The following TEAD1 variants were observed in gnomAD, a reference collection of about 807,000 sequenced individuals.
TEAD1 encodes the protein transcriptional enhancer factor TEF-1.
Under a neutral mutation model 54.9 loss-of-function variants are expected in TEAD1, and 9 were observed. The ratio of observed to expected loss-of-function variants is 0.16; its 90% confidence interval spans 0.10 to 0.29. TEAD1 has a LOEUF of 0.29. TEAD1 is among the 10% of genes least tolerant of loss of function. The probability of loss-of-function intolerance (pLI) is 1.00; values close to 1 mark genes in which losing one functional copy is unlikely to be tolerated. For missense variants in TEAD1, 387 were observed against 535.9 expected, an observed-to-expected ratio of 0.72 and a Z score of 2.74; for synonymous variants, 200 against 187.8, an observed-to-expected ratio of 1.07 and a Z score of -0.53.
intron 2 of TEAD1, among the ~76,000 whole-genome samples, chr11:12,734,607 T>C (rs1287796602): frequency 1.3e-5 from 2 of 152,248 alleles, no homozygotes; most frequent in Admixed American, 1.3e-4. Flanking sequence ...TAATCTTTTA[T>C]ACCATATTTT....
intron 9 of TEAD1, among the ~76,000 whole-genome samples, chr11:12,898,708 C>G (rs886755294): frequency 6.6e-6 from 1 of 152,184 alleles, no homozygotes; most frequent in Non-Finnish European, 1.5e-5. Flanking sequence ...TCAAACATTT[C>G]TTATATGGCA....
chr11:12,792,257 C>T (rs1006543340), intron 3 of TEAD1, among the ~76,000 whole-genome samples: 1 of 151,112 alleles, frequency 6.6e-6, no homozygotes, highest in East Asian at 1.9e-4. Context: ...GGGATATTTT[C>T]TCTCTAGGCC....
chr11:12,896,836 C>A (rs1424907644), intron 9 of TEAD1, among the ~76,000 whole-genome samples: 4 of 152,148 alleles, frequency 2.6e-5, no homozygotes, highest in Non-Finnish European at 5.9e-5. Flanking sequence ...TTGTTGTTAG[C>A]TCATGGATTC....
At chr11:12,778,045 A>C (rs905107209) in intron 3 of TEAD1, among the ~76,000 whole-genome samples, 1 of 152,240 alleles carries the variant, frequency 6.6e-6, no homozygotes, top group East Asian at 1.9e-4. Flanking sequence ...GCAATGTGCC[A>C]GGTACTGTTC....
intron 3 of TEAD1, among the ~76,000 whole-genome samples, chr11:12,845,312 C>G (rs182430938): frequency 1.3e-5 from 2 of 152,126 alleles, no homozygotes; most frequent in East Asian, 3.9e-4. Context: ...AGTTGCAGCT[C>G]TCTCTGCAGG....
chr11:12,917,817 T>TA (rs2134152349), intron 10 of TEAD1, among the ~76,000 whole-genome samples: 1 of 152,308 alleles, frequency 6.6e-6, no homozygotes, highest in East Asian at 1.9e-4. Context: ...TCCCTGGACT[T>TA]ACCTTCCCCA....
chr11:12,869,478 G>A (rs1030910061), intron 5 of TEAD1, among the ~76,000 whole-genome samples: 1 of 152,166 alleles, frequency 6.6e-6, no homozygotes, highest in Non-Finnish European at 1.5e-5. Flanking sequence ...AGTGTTGTGT[G>A]CCAGAACTTT....
chr11:12,712,487 C>T (rs145016922), intron 2 of TEAD1, among the ~76,000 whole-genome samples: 4 of 152,310 alleles, frequency 2.6e-5, no homozygotes, highest in African/African-American at 9.6e-5. Context: ...TCCCTAAACT[C>T]TGTTGCTGCC....
chr11:12,782,830 A>C (rs1423370994), intron 3 of TEAD1, among the ~76,000 whole-genome samples: 1 of 152,172 alleles, frequency 6.6e-6, no homozygotes, highest in African/African-American at 2.4e-5. Flanking sequence ...ATACCAGGTG[A>C]GGGAGAAGGT....
chr11:12,892,474 G>A (rs1374962130), intron 9 of TEAD1, among the ~76,000 whole-genome samples: 2 of 151,988 alleles, frequency 1.3e-5, no homozygotes, highest in African/African-American at 2.4e-5. Flanking sequence ...TGAATCCCCC[G>A]CTTCTACAAA....
chr11:12,770,914 G>A lies in TEAD1; in HGVS notation c.202+6480G>A, dbSNP rs117121293. 8.1e-3 allele frequency among the ~76,000 whole-genome samples: 1,232 copies of A among 152,248 alleles called. 12 individuals carry two copies. Among genetic ancestry groups the A allele is most frequent in the Non-Finnish European group, 0.011 (767 of 68,016 alleles). ...AACTTTGGGAAAAAGATCATGTAGC[G>A]GTTTTTAAACTTATTTTGGATTATA... On this transcript the variant is annotated intron_variant, in intron 3 of 12. Transcript: ENST00000527636.
At chr11:12,695,110 G>T (rs57304489) in intron 2 of TEAD1, among the ~76,000 whole-genome samples, 9,119 of 152,234 alleles carry the variant, frequency 0.06, 944 homozygotes, top group African/African-American at 0.21. Flanking sequence ...GGCTGGCGAG[G>T]GCCACTTCGT....
At chr11:12,827,348 C>G (rs1946677616) in intron 3 of TEAD1, among the ~76,000 whole-genome samples, 1 of 152,182 alleles carries the variant, frequency 6.6e-6, no homozygotes, top group African/African-American at 2.4e-5. Context: ...TTGTGCCCAG[C>G]ATTTTCTGAG....
intron 2 of TEAD1, among the ~76,000 whole-genome samples, chr11:12,752,099 A>T (rs896843697): frequency 6.6e-6 from 1 of 152,056 alleles, no homozygotes; most frequent in Non-Finnish European, 1.5e-5. Context: ...ATAACCCTTC[A>T]TATGCTGATG....
chr11:12,937,262 C>T lies in TEAD1; in HGVS notation c.*40C>T, dbSNP rs192546035. 109 of 1,359,238 alleles carry T rather than the reference C, an allele frequency of 8.0e-5. No individual in the cohort carries two copies. The highest frequency in any genetic ancestry group is 7.7e-4 in the East Asian group (32 of 41,340). The allele number at this position is 1,359,238 out of a possible 1,614,324, so 84.2% of individuals were successfully genotyped here. A position where few individuals can be genotyped will look rare whatever the true frequency, so the allele number is the denominator to read the frequency against. ...ATATATAGATATCTGTATATACACA[C>T]ACACATATGTGCACACACACACTCT... On this transcript the variant is annotated 3_prime_UTR_variant, in exon 13 of 13. Transcript: ENST00000527636.
intron 3 of TEAD1, among the ~76,000 whole-genome samples, chr11:12,792,059 G>A (rs568355382): frequency 3.0e-4 from 45 of 152,262 alleles, no homozygotes; most frequent in African/African-American, 1.1e-3. Flanking sequence ...GGGAGGTCAG[G>A]CTGCAGGGTG....
At chr11:12,845,208 ACCCTCGG>A (rs765476958) in intron 3 of TEAD1, among the ~76,000 whole-genome samples, 39 of 151,434 alleles carry the variant, frequency 2.6e-4, no homozygotes, top group Non-Finnish European at 4.6e-4. Context: ...CAAGTGATCC[ACCCTCGG>A]CCTCTGAAAT....
chr11:12,818,762 G>A (rs756825751), intron 3 of TEAD1, among the ~76,000 whole-genome samples: 13 of 152,222 alleles, frequency 8.5e-5, no homozygotes, highest in Non-Finnish European at 1.3e-4. Flanking sequence ...AAGCTGGGGT[G>A]TGCAGATGCA....
chr11:12,692,869 T>C (rs1202416561), intron 2 of TEAD1, among the ~76,000 whole-genome samples: 1 of 152,228 alleles, frequency 6.6e-6, no homozygotes, highest in African/African-American at 2.4e-5. Context: ...ACTTTGGCCT[T>C]GCCTGGTCAA....
Sources: allele counts gnomAD v4.1 joint callset (sites outside exome capture counted in the v4.1 genomes callset), GRCh38; gene constraint gnomAD v4.1.1; transcripts MANE v1.5; gene names NCBI Gene and HGNC (gene_info 2026-07-23, HGNC 2026-07-21).